IRAK2: variants seen among roughly 807,000 people sequenced by gnomAD.
IRAK2 encodes the protein interleukin-1 receptor-associated kinase-like 2.
A neutral mutation model predicts 72.0 loss-of-function variants in IRAK2; 57 were observed. The ratio of observed to expected loss-of-function variants is 0.79; its 90% CI spans 0.64 to 0.99. The LOEUF is 0.99. Among genes scored for constraint, IRAK2 ranks in the 50% least tolerant of loss-of-function variants. The pLI is 0.00. For missense variants in IRAK2, 790 were observed against 794.4 expected (o/e 0.99, Z 0.07); for synonymous variants, 293 against 312.7 (o/e 0.94, Z 0.67).
chr3:10,241,693 G>T (rs897165588), intron 12 of IRAK2, among the ~76,000 whole-genome samples: 8 of 151,354 alleles, frequency 5.3e-5, no homozygotes, highest in African/African-American at 1.9e-4. Context: ...CTGAGCTCAG[G>T]AGTTCAAGCC....
intron 1 of IRAK2, among the ~76,000 whole-genome samples, chr3:10,173,480 T>A (rs1310073714): frequency 6.6e-6 from 1 of 152,136 alleles, no homozygotes; most frequent in Non-Finnish European, 1.5e-5. Flanking sequence ...CAGAAGGCCT[T>A]GGTAGTGACT....
chr3:10,177,825 C>G lies in IRAK2; in HGVS notation c.95-13C>G. 6.2e-7 allele frequency: 1 copy of G among 1,610,228 alleles called. No homozygotes were observed. The highest frequency in any genetic ancestry group is 8.5e-7 in the Non-Finnish European group (1 of 1,179,816). On this transcript the variant is annotated splice_polypyrimidine_tract_variant and intron_variant, in intron 1 of 12. Coordinates refer to ENST00000256458, the MANE Select transcript of IRAK2 (RefSeq NM_001570.4). ...TCTCTGACTCTAAGCAGAGTTCTCT[C>G]CGTCCCTTCCAGCCTCCTACGTGAT... is the stretch of plus-strand genomic sequence containing the variant.
intron 11 of IRAK2, among the ~76,000 whole-genome samples, chr3:10,236,795 G>A (rs544755707): frequency 1.3e-5 from 2 of 152,378 alleles, no homozygotes; most frequent in South Asian, 4.1e-4. Flanking sequence ...AGGTGCAGGT[G>A]AAACTGCTAT....
chr3:10,177,894 G>T lies in IRAK2; in HGVS notation c.151G>T (p.Val51Leu). The T allele has an allele frequency of 6.2e-7, 1 of 1,613,854 alleles. No individual in the cohort carries two copies. Among genetic ancestry groups the T allele is most frequent in the East Asian group, 2.2e-5 (1 of 44,854 alleles). Residue 51 changes from valine (V) to leucine (L), a missense_variant, in exon 2 of 13, where the codon GTG becomes TTG. By Grantham distance (32) the Val-to-Leu change is conservative (BLOSUM62 1). Coordinates refer to ENST00000256458, the MANE Select transcript of IRAK2 (RefSeq NM_001570.4). Reference protein sequence around the residue: ...QLRKIKSMERVQGVSITRELL... With the variant: ...QLRKIKSMERLQGVSITRELL... ...GCGGAAGATCAAGTCCATGGAGCGG[G>T]TGCAGGGTGTGAGCATCACGCGGGA...
chr3:10,213,576 T>C (rs780468685), intron 6 of IRAK2, 28 bp downstream of exon 6: 1 of 1,561,328 alleles, frequency 6.4e-7, no homozygotes, highest in Non-Finnish European at 8.8e-7. Context: ...TTAGTAATAA[T>C]GATAGCTAAC....
chr3:10,197,377 T>C (rs1559444803), intron 2 of IRAK2, among the ~76,000 whole-genome samples: 2 of 147,564 alleles, frequency 1.4e-5, no homozygotes, highest in Non-Finnish European at 3.0e-5. Context: ...AGAGTAAGAC[T>C]CTGTCTCAAA....
intron 2 of IRAK2, 73 bp downstream of exon 2, chr3:10,178,093 C>G: frequency 1.7e-6 from 2 of 1,200,458 alleles, no homozygotes. Context: ...GTGAGTTGCA[C>G]TCTCTGGCCT....
chr3:10,180,975 G>A (rs1377921512), intron 2 of IRAK2, among the ~76,000 whole-genome samples: 1 of 152,168 alleles, frequency 6.6e-6, no homozygotes, highest in Non-Finnish European at 1.5e-5. Flanking sequence ...ACCAATGGGA[G>A]TGATGTTCCA....
intron 1 of IRAK2, among the ~76,000 whole-genome samples, chr3:10,165,947 C>G (rs1272262851): frequency 2.0e-5 from 3 of 151,988 alleles, no homozygotes; most frequent in Non-Finnish European, 4.4e-5. Flanking sequence ...CCAGGATGGT[C>G]TGGATCTCCT....
At chr3:10,172,842 A>T (rs1696819385) in intron 1 of IRAK2, among the ~76,000 whole-genome samples, 1 of 146,842 alleles carries the variant, frequency 6.8e-6, no homozygotes, top group Admixed American at 6.8e-5. Flanking sequence ...TGTCTCAAAA[A>T]AAAAAAAAAA....
chr3:10,198,910 C>G (rs1697312685), intron 2 of IRAK2, among the ~76,000 whole-genome samples: 2 of 152,120 alleles, frequency 1.3e-5, no homozygotes, highest in African/African-American at 4.8e-5. Context: ...TTTTGTCATT[C>G]TCAAACATGA....
At chr3:10,205,670 G>T (rs1697423728) in intron 3 of IRAK2, among the ~76,000 whole-genome samples, 1 of 152,214 alleles carries the variant, frequency 6.6e-6, no homozygotes, top group African/African-American at 2.4e-5. Context: ...GCCCACACCT[G>T]CAGTGGTACA....
At chr3:10,170,102 G>A (rs979855607) in intron 1 of IRAK2, among the ~76,000 whole-genome samples, 4 of 152,152 alleles carry the variant, frequency 2.6e-5, no homozygotes, top group Non-Finnish European at 5.9e-5. Flanking sequence ...GGTGGCTCTA[G>A]GGAGGAGTCG....
chr3:10,172,987 T>C (rs1327031131), intron 1 of IRAK2, among the ~76,000 whole-genome samples: 1 of 152,036 alleles, frequency 6.6e-6, no homozygotes, highest in East Asian at 1.9e-4. Context: ...CCAAACTCTA[T>C]GAAAAACAGG....
intron 3 of IRAK2, among the ~76,000 whole-genome samples, chr3:10,206,826 G>C (rs1697440472): frequency 6.6e-6 from 1 of 151,468 alleles, no homozygotes; most frequent in African/African-American, 2.4e-5. Flanking sequence ...AAAGCGCTGG[G>C]ATTACAGGTG....
At position 10,217,838 on chromosome 3, in the gene IRAK2, T is replaced by G. The variant is rs190488425; in HGVS notation, c.903+790T>G. Among the ~76,000 whole-genome samples, 257 of 152,328 alleles carry G rather than the reference T, an allele frequency of 1.7e-3. 5 individuals carry two copies. The South Asian group carries it at 0.042, about 25-fold the overall frequency. ...TTACTCACGGCATACTAATGATCTT[T>G]AGCTTTTCTGGGCACTCACTGTATG... On this transcript the variant is annotated intron_variant, in intron 7 of 12. Coordinates refer to ENST00000256458, the MANE Select transcript of IRAK2 (RefSeq NM_001570.4).
intron 9 of IRAK2, among the ~76,000 whole-genome samples, chr3:10,224,474 G>A (rs113297389): frequency 6.6e-5 from 10 of 151,608 alleles, no homozygotes; most frequent in East Asian, 1.9e-4. Flanking sequence ...TGGGGCTAAC[G>A]ATACACATGG....
chr3:10,237,929 CTGTGTGTGTGTGTGTGTGTG>C (rs138639711), intron 11 of IRAK2, among the ~76,000 whole-genome samples: 2 of 138,330 alleles, frequency 1.4e-5, no homozygotes, highest in Non-Finnish European at 1.5e-5. Flanking sequence ...TATGTGTGCT[CTGTGTGTGTGTGTGTGTGTG>C]TGTGTGTGTG....
chr3:10,188,770 C>T (rs901583559), intron 2 of IRAK2, among the ~76,000 whole-genome samples: 2 of 152,242 alleles, frequency 1.3e-5, no homozygotes. Context: ...AGGTGATCCC[C>T]CTGCCTTGGC....
Sources: gnomAD v4.1 joint callset for allele counts (sites outside exome capture counted in the v4.1 genomes callset) on GRCh38, gnomAD v4.1.1 for gene constraint, MANE v1.5 for transcripts, NCBI Gene and HGNC (gene_info 2026-07-23, HGNC 2026-07-21) for gene names.